The following RBL1 variants were observed in gnomAD, a reference collection of about 807,000 sequenced individuals.
RBL1 encodes the protein RB transcriptional corepressor like 1.
A neutral mutation model predicts 123.0 loss-of-function variants in RBL1; 82 were observed. The ratio of observed to expected loss-of-function variants is 0.67; its 90% CI spans 0.56 to 0.80. The LOEUF (loss-of-function observed/expected upper bound fraction) is 0.80. RBL1 is among the 30% of genes least tolerant of loss of function. RBL1 has a pLI of 0.00. For synonymous variants in RBL1, 405 were observed against 441.3 expected (o/e 0.92, Z 1.03); for missense variants, 1,171 against 1,299.6 (o/e 0.90, Z 1.52).
chr20:37,045,129 C>T (rs2154191), intron 12 of RBL1, among the ~76,000 whole-genome samples: 157 of 139,894 alleles, frequency 1.1e-3, no homozygotes, highest in Non-Finnish European at 2.1e-3. Context: ...TATTTTGAGA[C>T]GGAGTCTCAC....
At chr20:37,090,223 C>CT (rs1459082911) in intron 1 of RBL1, among the ~76,000 whole-genome samples, 1 of 152,166 alleles carries the variant, frequency 6.6e-6, no homozygotes, top group Non-Finnish European at 1.5e-5. Flanking sequence ...GAGCAACAGG[C>CT]TATATTAAAC....
intron 19 of RBL1, among the ~76,000 whole-genome samples, chr20:37,009,627 T>G (rs1467472824): frequency 6.6e-6 from 1 of 152,132 alleles, no homozygotes; most frequent in Non-Finnish European, 1.5e-5. Context: ...CTCAAAGTGC[T>G]GGGATTACAG....
At chr20:37,026,459 A>C (rs982448461) in intron 16 of RBL1, among the ~76,000 whole-genome samples, 1 of 152,120 alleles carries the variant, frequency 6.6e-6, no homozygotes, top group South Asian at 2.1e-4. Context: ...TAATCCCAGC[A>C]CTTTGAGAGG....
chr20:37,012,615 C>T (rs571616971), intron 19 of RBL1, among the ~76,000 whole-genome samples: 140 of 144,598 alleles, frequency 9.7e-4, no homozygotes, highest in African/African-American at 4.0e-3. Flanking sequence ...AAGTGAGGAG[C>T]CCCTCCGCCC....
At chr20:37,061,306 T>A in intron 8 of RBL1, 37 bp from the exon 9 acceptor site, 1 of 1,598,286 alleles carries the variant, frequency 6.3e-7, no homozygotes. Context: ...TTTTAAAAGT[T>A]ACCATCTTCC....
intron 11 of RBL1, among the ~76,000 whole-genome samples, chr20:37,048,555 G>A (rs142934425): frequency 1.8e-4 from 28 of 152,214 alleles, no homozygotes; most frequent in African/African-American, 5.3e-4. Context: ...AAAGTCTTAC[G>A]GATACCAGCA....
At chr20:37,012,074 G>A (rs1056024330) in intron 19 of RBL1, among the ~76,000 whole-genome samples, 4 of 152,336 alleles carry the variant, frequency 2.6e-5, no homozygotes, top group East Asian at 3.9e-4. Context: ...TGTGTTGGCT[G>A]GGCCGGTCTC....
rs765525313 is a variant in RBL1 at position 37,032,848 on chromosome 20, T to C, written c.2199A>G (p.Thr733=). 1 of 1,614,042 alleles carries C rather than the reference T, an allele frequency of 6.2e-7. No homozygotes were observed. The highest frequency in any genetic ancestry group is 8.5e-7 in the Non-Finnish European group (1 of 1,179,982). ...TTGTATTCATGGAAAGAGGTATCAG[T>C]GTGATCTCTCCAGCATCATTTGCGA... The part of the protein sequence containing the change: ...HGVANDAGEI[T]LIPLSMNTNQ... The change falls in exon 16 of 22, where the codon ACA becomes ACG. Residue 733 remains threonine, a synonymous_variant. Coordinates refer to ENST00000373664, the MANE Select transcript of RBL1 (RefSeq NM_002895.5).
At position 37,003,556 on chromosome 20, in the gene RBL1, T is replaced by G. The variant is rs1006812326; in HGVS notation, c.3036+146A>C. ...TACCTCAAACTGAATATACTGCTCT[T>G]GATGAGAGGAGACATGCCATAGTTA... On this transcript the variant is annotated intron_variant, in intron 21 of 21. Transcript: ENST00000373664. 3.1e-6 allele frequency: 4 copies of G among 1,290,436 alleles called. No individual in the cohort carries two copies. The African/African-American group carries it at 6.1e-5, about 20-fold the overall frequency. 79.9% of individuals were successfully genotyped at this position (1,290,436 alleles called of 1,614,324 possible).
At position 37,056,146 on chromosome 20, in the gene RBL1, C is replaced by T; in HGVS notation, c.1363G>A (p.Asp455Asn). 1.9e-6 allele frequency: 3 copies of T among 1,604,878 alleles called. No individual in the cohort carries two copies. In the South Asian group the frequency reaches 3.4e-5, roughly 18 times the overall value. The change falls in exon 10 of 22, where the codon GAC (aspartate) becomes AAC (asparagine). Residue 455 changes from aspartate (D) to asparagine (N), a missense_variant and splice_region_variant. Asp to Asn is a conservative substitution (Grantham distance 23). Transcript: ENST00000373664. ...GCCAACTGTAGTTTTCTTTTCTTAC[C>T]TATGTGAGATCCTGGCTGTTCATCT... ...STDEQPGSHI[D>N]FAVNRLKLAE...
At chr20:37,091,121 C>T (rs2065639129) in intron 1 of RBL1, among the ~76,000 whole-genome samples, 1 of 152,106 alleles carries the variant, frequency 6.6e-6, no homozygotes, top group African/African-American at 2.4e-5. Flanking sequence ...CTTTGGGAGG[C>T]CGAGATGGGT....
intron 7 of RBL1, 84 bp from the exon 8 acceptor site, chr20:37,062,354 C>T: frequency 3.4e-6 from 5 of 1,489,696 alleles, no homozygotes; most frequent in Non-Finnish European, 4.5e-6. Context: ...GTGTTTACAG[C>T]TTAGAAAACT....
At chr20:37,061,433 A>C (rs973151343) in intron 8 of RBL1, among the ~76,000 whole-genome samples, 164 bp from the exon 9 acceptor site, 1 of 152,226 alleles carries the variant, frequency 6.6e-6, no homozygotes, top group Non-Finnish European at 1.5e-5. Flanking sequence ...ACACTTTTTA[A>C]AAGCACTTTC....
intron 9 of RBL1, 66 bp from the exon 10 acceptor site, chr20:37,056,324 A>T (rs2065005287): frequency 2.4e-6 from 3 of 1,271,468 alleles, no homozygotes; most frequent in Non-Finnish European, 3.1e-6. Context: ...AAGACTCCAC[A>T]CCAGAATACT....
intron 1 of RBL1, among the ~76,000 whole-genome samples, chr20:37,095,480 C>A (rs550544166): frequency 6.6e-6 from 1 of 152,348 alleles, no homozygotes; most frequent in African/African-American, 2.4e-5. Context: ...GATTTAAGGG[C>A]AGCACCATGA....
chr20:37,058,188 G>A (rs1026328233), intron 9 of RBL1, among the ~76,000 whole-genome samples: 52 of 149,928 alleles, frequency 3.5e-4, no homozygotes, highest in African/African-American at 1.1e-3. Context: ...AGTCAGGGAC[G>A]TCTAGTTATA....
At position 37,022,650 on chromosome 20, in the gene RBL1, C is replaced by T; in HGVS notation, c.2559G>A (p.Lys853=). 2 of 1,606,514 alleles carry T rather than the reference C, an allele frequency of 1.2e-6. No homozygotes were observed. The highest frequency in any genetic ancestry group is 1.3e-5 in the African/African-American group (1 of 74,804). ...LLLCAFYIMA[K]VTKEERTFQE... ...CCTCTTCTCCCAATTTATACATTAC[C>T]TTTGCCATGATATAAAAGGCACAAA... The change falls in exon 17 of 22, where the codon AAG becomes AAA. Residue 853 remains lysine, a splice_region_variant and synonymous_variant. Transcript: ENST00000373664.
intron 11 of RBL1, among the ~76,000 whole-genome samples, chr20:37,053,061 T>C (rs530741337): frequency 8.6e-4 from 131 of 152,326 alleles, no homozygotes; most frequent in African/African-American, 3.1e-3. Flanking sequence ...CTGACAGACT[T>C]GAAAGAAATA....
chr20:37,058,302 G>A (rs560077100), intron 9 of RBL1, among the ~76,000 whole-genome samples: 1 of 151,826 alleles, frequency 6.6e-6, no homozygotes, highest in Non-Finnish European at 1.5e-5. Flanking sequence ...CAGCTCATGA[G>A]GTCAGGAGAT....
Sources: allele counts gnomAD v4.1 joint callset (sites outside exome capture counted in the v4.1 genomes callset), GRCh38; gene constraint gnomAD v4.1.1; transcripts MANE v1.5; gene names NCBI Gene and HGNC (gene_info 2026-07-23, HGNC 2026-07-21).